The following ELAVL1 variants were observed in gnomAD, a reference collection of about 807,000 sequenced individuals.
ELAVL1 encodes ELAV-like protein 1.
ELAVL1 carries 1 observed loss-of-function variant against 28.4 expected under a neutral mutation model. The ratio of observed to expected loss-of-function variants is 0.04; its 90% CI spans 0.01 to 0.17. ELAVL1 has a LOEUF of 0.17. Among genes scored for constraint, ELAVL1 ranks in the 10% least tolerant of loss-of-function variants. The probability of loss-of-function intolerance (pLI) is 1.00; values close to 1 mark genes in which losing one functional copy is unlikely to be tolerated. For synonymous variants in ELAVL1, 174 were observed against 183.5 expected, an observed-to-expected ratio of 0.95 and a Z score of 0.42; for missense variants, 157 against 447.2, an observed-to-expected ratio of 0.35 and a Z score of 5.85.
intron 4 of ELAVL1, among the ~76,000 whole-genome samples, chr19:7,971,598 C>T (rs1363037932): frequency 3.9e-5 from 6 of 152,330 alleles, no homozygotes; most frequent in South Asian, 2.1e-4. Context: ...GAGTTTACAC[C>T]GAGTAACTGG....
intron 5 of ELAVL1, among the ~76,000 whole-genome samples, chr19:7,965,566 C>T (rs1040602312): frequency 1.9e-4 from 29 of 152,162 alleles, no homozygotes; most frequent in Non-Finnish European, 4.0e-4. Context: ...TTCTCTCAGC[C>T]TCCTGAGCGA....
chr19:7,990,725 C>A (rs1380181803), intron 2 of ELAVL1, among the ~76,000 whole-genome samples: 1 of 152,008 alleles, frequency 6.6e-6, no homozygotes, highest in Non-Finnish European at 1.5e-5. Context: ...CAGACAGAGC[C>A]CCGAGAGGAC....
chr19:7,963,331 G>T lies in ELAVL1; in HGVS notation c.*152C>A. The T allele has an allele frequency of 1.2e-6, 1 of 820,932 alleles. No individual in the cohort carries two copies. The highest frequency in any genetic ancestry group is 1.9e-6 in the Non-Finnish European group (1 of 534,192). The allele number at this position is 820,932 out of a possible 1,614,324, so 50.9% of individuals were successfully genotyped here. ...TTTCAAACATTTGAACATGTCGGTT[G>T]CATCCCAGAGTATAAAAACCTTCTC... is the stretch of plus-strand genomic sequence containing the variant. On this transcript the variant is annotated 3_prime_UTR_variant, in exon 6 of 6. Transcript: ENST00000407627. This position sits in a 1 kb window ranked among gnomAD's most constrained non-coding sequence, Gnocchi z 4.5.
intron 4 of ELAVL1, among the ~76,000 whole-genome samples, chr19:7,971,969 C>T (rs1985126131): frequency 6.6e-6 from 1 of 152,248 alleles, no homozygotes; most frequent in African/African-American, 2.4e-5. Context: ...AAAGGCGAGG[C>T]TCTGGGCTGC....
intron 3 of ELAVL1, among the ~76,000 whole-genome samples, chr19:7,974,776 A>G (rs1599668484): frequency 6.6e-6 from 1 of 152,318 alleles, no homozygotes; most frequent in East Asian, 1.9e-4. Context: ...AGAACTGATG[A>G]GCCAAGGTAA....
chr19:7,974,060 C>T (rs1003323101), intron 3 of ELAVL1, among the ~76,000 whole-genome samples, 182 bp from the exon 4 acceptor site: 4 of 152,364 alleles, frequency 2.6e-5, no homozygotes, highest in African/African-American at 4.8e-5. Context: ...AGGGATGGGC[C>T]GTGAGCCAGG....
intron 4 of ELAVL1, among the ~76,000 whole-genome samples, chr19:7,971,191 C>G (rs867955734): frequency 6.6e-6 from 1 of 152,230 alleles, no homozygotes; most frequent in Non-Finnish European, 1.5e-5. Context: ...GCAATGCCCC[C>G]AGCAGCTGTG....
chr19:7,997,252 G>A (rs762592270), intron 1 of ELAVL1, among the ~76,000 whole-genome samples: 1 of 152,186 alleles, frequency 6.6e-6, no homozygotes, highest in Non-Finnish European at 1.5e-5. Context: ...ATATAAATGT[G>A]CAGAGCGGCA....
chr19:7,962,616 G>A lies in ELAVL1; in HGVS notation c.*867C>T, dbSNP rs774177480. On this transcript the variant is annotated 3_prime_UTR_variant, in exon 6 of 6. Coordinates refer to ENST00000407627, the MANE Select transcript of ELAVL1 (RefSeq NM_001419.3). ...TTATTAAAATACAGAGCCATTTTAC[G>A]CCTCCAAGCTATGTTAAATGCTCTG... 2.0e-5 allele frequency: 3 copies of A among 152,582 alleles called. No homozygotes were observed. The highest frequency in any genetic ancestry group is 4.8e-5 in the African/African-American group (2 of 41,464). The allele number at this position is 152,582 out of a possible 1,614,324, so 9.5% of individuals were successfully genotyped here. A position where few individuals can be genotyped will look rare whatever the true frequency, so the allele number is the denominator to read the frequency against.
intron 2 of ELAVL1, among the ~76,000 whole-genome samples, chr19:7,985,157 C>T (rs777400822): frequency 3.9e-5 from 6 of 152,196 alleles, no homozygotes; most frequent in Non-Finnish European, 7.3e-5. Flanking sequence ...TGAGCTCAAG[C>T]GATCCTCCCA....
chr19:7,980,451 G>A (rs1178006308), intron 3 of ELAVL1, among the ~76,000 whole-genome samples: 1 of 152,190 alleles, frequency 6.6e-6, no homozygotes, highest in Admixed American at 6.5e-5. Context: ...GCACGAGAGC[G>A]CGGGTCAGAT....
intron 4 of ELAVL1, among the ~76,000 whole-genome samples, chr19:7,968,899 G>A (rs895203108): frequency 6.6e-6 from 1 of 152,164 alleles, no homozygotes; most frequent in Non-Finnish European, 1.5e-5. Context: ...ACTGAGCAGC[G>A]CACTAGCTCC....
intron 1 of ELAVL1, among the ~76,000 whole-genome samples, chr19:7,992,599 A>C (rs559460792): frequency 6.6e-6 from 1 of 152,282 alleles, no homozygotes; most frequent in South Asian, 2.1e-4. Context: ...GGGGGGGACA[A>C]CAAATAGTGG....
intron 2 of ELAVL1, among the ~76,000 whole-genome samples, chr19:7,985,838 G>A (rs549803161): frequency 9.2e-4 from 140 of 152,324 alleles, no homozygotes; most frequent in African/African-American, 3.2e-3. Flanking sequence ...CTCAACTGGA[G>A]GAAGAGCCTC....
intron 3 of ELAVL1, among the ~76,000 whole-genome samples, chr19:7,977,460 G>A (rs551258093): frequency 3.3e-5 from 5 of 152,288 alleles, no homozygotes; most frequent in African/African-American, 9.6e-5. Flanking sequence ...GTCTGGCCCC[G>A]TCAGCCTTTG....
intron 2 of ELAVL1, among the ~76,000 whole-genome samples, chr19:7,984,458 A>G (rs532498953): frequency 6.6e-6 from 1 of 152,324 alleles, no homozygotes; most frequent in African/African-American, 2.4e-5. Context: ...GTGTATTCCC[A>G]GAAAGTAGAG....
At chr19:7,969,353 T>G (rs1412362642) in intron 4 of ELAVL1, among the ~76,000 whole-genome samples, 1 of 152,184 alleles carries the variant, frequency 6.6e-6, no homozygotes, top group Non-Finnish European at 1.5e-5. Flanking sequence ...ACTGTCCCCA[T>G]GTCCTGTCTC....
chr19:7,970,852 G>A (rs976800688), intron 4 of ELAVL1, among the ~76,000 whole-genome samples: 7 of 152,130 alleles, frequency 4.6e-5, no homozygotes, highest in African/African-American at 1.4e-4. Context: ...GTGAGCCACC[G>A]CGCCCGGCCA....
At chr19:7,992,934 C>A (rs1985789770) in intron 1 of ELAVL1, among the ~76,000 whole-genome samples, 1 of 152,196 alleles carries the variant, frequency 6.6e-6, no homozygotes, top group African/African-American at 2.4e-5. Context: ...TGCCACCACG[C>A]CCGGCTGATT....
Sources: gnomAD v4.1 joint callset for allele counts (sites outside exome capture counted in the v4.1 genomes callset) on GRCh38, gnomAD v4.1.1 for gene constraint, Gnocchi (gnomAD v3.1) non-coding constraint, MANE v1.5 for transcripts, NCBI Gene and HGNC (gene_info 2026-07-23, HGNC 2026-07-21) for gene names.